The following CPM variants were observed in gnomAD, a reference collection of about 807,000 sequenced individuals.
CPM encodes the protein carboxypeptidase M.
In CPM, 35 loss-of-function variants were observed where a neutral mutation model predicts 46.4. The observed-to-expected ratio is 0.75, with a 90% confidence interval of 0.58 to 1.00. The LOEUF (loss-of-function observed/expected upper bound fraction) is 1.00, where lower values mean the gene tolerates loss of function less well. CPM is among the 50% of genes least tolerant of loss of function. The pLI is 0.00. For synonymous variants in CPM, 195 were observed against 195.3 expected (o/e 1.00, Z 0.01); for missense variants, 422 against 530.4 (o/e 0.80, Z 2.01).
intron 2 of CPM, chr12:68,914,006 C>T: frequency 2.8e-6 from 2 of 718,054 alleles, no homozygotes; most frequent in Admixed American, 3.5e-5. Context: ...AAGAAAACCT[C>T]AAGGACTGCG....
At chr12:68,869,181 G>A (rs1885582361) in intron 6 of CPM, 144 bp downstream of exon 6, 1 of 652,668 alleles carries the variant, frequency 1.5e-6, no homozygotes, top group South Asian at 2.1e-5. Flanking sequence ...CATCTCCACT[G>A]CTCTTATGAT....
chr12:68,905,698 C>A (rs2136284331), intron 2 of CPM, among the ~76,000 whole-genome samples: 1 of 151,862 alleles, frequency 6.6e-6, no homozygotes, highest in East Asian at 1.9e-4. Context: ...CTACGCAAAC[C>A]TACCCACAAA....
upstream of CPM, among the ~76,000 whole-genome samples, chr12:68,933,510 C>G (rs1592709583): frequency 6.6e-6 from 1 of 152,166 alleles, no homozygotes; most frequent in East Asian, 1.9e-4. Context: ...CACCGAGGGA[C>G]ACTCTCTGTC....
intron 2 of CPM, among the ~76,000 whole-genome samples, chr12:68,904,342 T>C (rs1731187957): frequency 6.6e-6 from 1 of 152,246 alleles, no homozygotes. Flanking sequence ...TCAAGTCTGC[T>C]GGGACAATCA....
At chr12:68,905,664 A>G (rs938403961) in intron 2 of CPM, among the ~76,000 whole-genome samples, 3 of 152,146 alleles carry the variant, frequency 2.0e-5, no homozygotes, top group Admixed American at 6.5e-5. Context: ...TGTAAGATAT[A>G]GCCTTGTTTC....
At chr12:68,895,604 C>T (rs1886839758) in intron 2 of CPM, among the ~76,000 whole-genome samples, 1 of 152,168 alleles carries the variant, frequency 6.6e-6, no homozygotes, top group Admixed American at 6.5e-5. Flanking sequence ...ATACTTATTG[C>T]TGATACCTGT....
intron 1 of CPM, among the ~76,000 whole-genome samples, chr12:68,958,999 G>C (rs1889069955): frequency 6.6e-6 from 1 of 152,128 alleles, no homozygotes; most frequent in Admixed American, 6.5e-5. Flanking sequence ...CATCCTCTTT[G>C]AGAGACCTTT....
chr12:68,923,222 A>C (rs1324507537), intron 2 of CPM, among the ~76,000 whole-genome samples: 1 of 113,712 alleles, frequency 8.8e-6, no homozygotes, highest in African/African-American at 3.5e-5. Context: ...TGTTTTGAGT[A>C]ATTTCACTTT....
intron 2 of CPM, among the ~76,000 whole-genome samples, chr12:68,912,890 T>C (rs1887655541): frequency 6.6e-6 from 1 of 152,220 alleles, no homozygotes; most frequent in Non-Finnish European, 1.5e-5. Context: ...CCTCCATTAA[T>C]ACACTTCTAT....
chr12:68,890,043 C>T (rs772642216), intron 2 of CPM, among the ~76,000 whole-genome samples: 2 of 152,116 alleles, frequency 1.3e-5, no homozygotes, highest in Non-Finnish European at 2.9e-5. Context: ...CCCAGGTGCT[C>T]ATTAAAACAG....
chr12:68,894,008 G>A (rs1886763546), intron 2 of CPM, among the ~76,000 whole-genome samples: 1 of 151,982 alleles, frequency 6.6e-6, no homozygotes, highest in Non-Finnish European at 1.5e-5. Context: ...CTGAGGGTAG[G>A]GTGTGGAGCG....
chr12:68,894,740 C>G (rs1886797322), intron 2 of CPM, among the ~76,000 whole-genome samples: 1 of 152,040 alleles, frequency 6.6e-6, no homozygotes, highest in South Asian at 2.1e-4. Flanking sequence ...AGTTAGTTTT[C>G]TAAGGGTGTC....
chr12:68,910,503 C>T (rs1887550770), intron 2 of CPM, among the ~76,000 whole-genome samples: 1 of 152,160 alleles, frequency 6.6e-6, no homozygotes, highest in Non-Finnish European at 1.5e-5. Flanking sequence ...TAAAATACTC[C>T]ATTGACTGGG....
chr12:68,864,390 C>T (rs1158692054), intron 7 of CPM, among the ~76,000 whole-genome samples: 4 of 152,092 alleles, frequency 2.6e-5, no homozygotes, highest in African/African-American at 4.8e-5. Context: ...TACAGTGAGC[C>T]GAGATCATCA....
At chr12:68,881,183 A>C (rs1886173622) in intron 3 of CPM, among the ~76,000 whole-genome samples, 1 of 152,210 alleles carries the variant, frequency 6.6e-6, no homozygotes. Flanking sequence ...AACTCCTAAG[A>C]TGTGTATTAG....
At chr12:68,882,324 A>C (rs1333681033) in intron 3 of CPM, among the ~76,000 whole-genome samples, 1 of 152,036 alleles carries the variant, frequency 6.6e-6, no homozygotes, top group Admixed American at 6.6e-5. Flanking sequence ...CCCACTTATA[A>C]GTGAGAACAT....
At chr12:68,938,986 A>T (rs1888716524) in intron 1 of CPM, among the ~76,000 whole-genome samples, 1 of 147,964 alleles carries the variant, frequency 6.8e-6, no homozygotes, top group Non-Finnish European at 1.5e-5. Context: ...AAGTATATAG[A>T]TATTATATAA....
intron 3 of CPM, among the ~76,000 whole-genome samples, chr12:68,883,021 AACAC>A (rs1009372047): frequency 4.6e-5 from 7 of 151,958 alleles, no homozygotes; most frequent in African/African-American, 1.7e-4. Flanking sequence ...CACACACACA[AACAC>A]ACACACACGC....
chr12:68,935,071 G>A (rs916073852), upstream of CPM, among the ~76,000 whole-genome samples: 5 of 151,872 alleles, frequency 3.3e-5, no homozygotes, highest in South Asian at 6.2e-4. Context: ...CACCAGGCCC[G>A]GCTAATTTTT....
Sources: allele counts gnomAD v4.1 joint callset (sites outside exome capture counted in the v4.1 genomes callset), GRCh38; gene constraint gnomAD v4.1.1; transcripts MANE v1.5; gene names NCBI Gene and HGNC (gene_info 2026-07-23, HGNC 2026-07-21).